MEGF11: variants seen among roughly 807,000 people sequenced by gnomAD.
MEGF11 encodes the protein multiple epidermal growth factor-like domains protein 11.
Under a neutral mutation model 146.6 loss-of-function variants are expected in MEGF11, and 126 were observed. The ratio of observed to expected loss-of-function variants is 0.86; its 90% CI spans 0.74 to 1.00. MEGF11 has a LOEUF of 1.00. MEGF11 is among the 50% of genes least tolerant of loss of function. The probability of loss-of-function intolerance (pLI) is 0.00; values close to 1 mark genes in which losing one functional copy is unlikely to be tolerated. For synonymous variants in MEGF11, 532 were observed against 583.4 expected (o/e 0.91, Z 1.27); for missense variants, 1,509 against 1,521.2 (o/e 0.99, Z 0.13).
Position 65,912,199 on chromosome 15 carries a change from A to G in MEGF11, c.2712T>C (p.Asp904=). Residue 904 remains aspartate, a splice_region_variant and synonymous_variant, in exon 21 of 26, where the codon GAT becomes GAC. Transcript: ENST00000395614. ...GGGCATGGCTGCTACTTTGAGACAA[A>G]TCTGGGAAGAGAACAAGGTGCCACA... is the stretch of plus-strand genomic sequence containing the variant. The part of the protein sequence containing the change: ...RMTSTDYSLS[D]LSQSSSHAHC... 8.1e-7 allele frequency: 1 copy of G among 1,231,790 alleles called. No individual in the cohort carries two copies. The highest frequency in any genetic ancestry group is 1.0e-6 in the Non-Finnish European group (1 of 987,660). 76.3% of individuals were successfully genotyped at this position (1,231,790 alleles called of 1,614,324 possible).
chr15:66,100,488 G>A (rs2086746406), intron 4 of MEGF11, among the ~76,000 whole-genome samples: 1 of 152,218 alleles, frequency 6.6e-6, no homozygotes, highest in South Asian at 2.1e-4. Context: ...CTTGGATTCT[G>A]CTACTTCCCG....
At chr15:65,915,649 C>A in intron 18 of MEGF11, 51 bp from the exon 19 acceptor site, 1 of 1,595,418 alleles carries the variant, frequency 6.3e-7, no homozygotes. Context: ...CTCCACCCCT[C>A]CCCTTCCATG....
At chr15:66,229,012 T>A (rs1186855385) in intron 1 of MEGF11, among the ~76,000 whole-genome samples, 1 of 152,150 alleles carries the variant, frequency 6.6e-6, no homozygotes, top group Non-Finnish European at 1.5e-5. Flanking sequence ...GTCAGGGTGC[T>A]GCACTACCCT....
In MEGF11 at chr15:65,898,029, C is replaced by T. The variant is rs267604294; in HGVS notation, c.3328G>A (p.Asp1110Asn). 1.5e-5 allele frequency: 25 copies of T among 1,613,814 alleles called. No homozygotes were observed. The highest frequency in any genetic ancestry group is 1.0e-4 in the Admixed American group (6 of 60,004). The change falls in exon 26 of 26, where the codon GAC becomes AAC. Residue 1110 changes from aspartate to asparagine, a missense_variant. Asp to Asn is a conservative substitution (Grantham distance 23). Coordinates refer to ENST00000395614, the MANE Select transcript of MEGF11 (RefSeq NM_001385028.1). ...GGAATATGGCTGTTCCTAGGTAGGT[C>T]GTATGCATTCTGGATATAGCTGGAG... is the stretch of plus-strand genomic sequence containing the variant. ...HNSSYIQNAYDLPRNSHIPGH... is the reference protein window; with the variant it reads ...HNSSYIQNAYNLPRNSHIPGH...
intron 4 of MEGF11, among the ~76,000 whole-genome samples, chr15:66,116,331 A>G (rs1249558520): frequency 6.6e-6 from 1 of 152,072 alleles, no homozygotes; most frequent in East Asian, 1.9e-4. Flanking sequence ...GGCAGGGGCT[A>G]TTTGTATTTC....
chr15:66,144,227 C>G lies in MEGF11; in HGVS notation c.-8-15816G>C, dbSNP rs188059432. ...CAGCCAACGAGGTGGGAGGGGTCAA[C>G]TAGGTGTGGGTGGAGCTGGGCATCG... is the stretch of plus-strand genomic sequence containing the variant. On this transcript the variant is annotated intron_variant, in intron 1 of 25. Coordinates refer to ENST00000395614, the MANE Select transcript of MEGF11 (RefSeq NM_001385028.1). Among the ~76,000 whole-genome samples, 342 of 152,286 alleles carry G rather than the reference C, an allele frequency of 2.2e-3. 1 individual carries two copies. The highest frequency in any genetic ancestry group is 7.8e-3 in the African/African-American group (325 of 41,554).
At chr15:66,190,778 C>G (rs2090847896) in intron 1 of MEGF11, among the ~76,000 whole-genome samples, 1 of 152,104 alleles carries the variant, frequency 6.6e-6, no homozygotes, top group Admixed American at 6.5e-5. Context: ...TGTGTCAGGC[C>G]CTGGGCACTA....
intron 1 of MEGF11, among the ~76,000 whole-genome samples, chr15:66,204,562 C>T (rs2091253068): frequency 6.6e-6 from 1 of 152,160 alleles, no homozygotes; most frequent in Non-Finnish European, 1.5e-5. Flanking sequence ...TACAGGCCCG[C>T]CTACCTGCCT....
intron 15 of MEGF11, among the ~76,000 whole-genome samples, chr15:65,918,586 CCA>C (rs1344379983): frequency 6.6e-6 from 1 of 152,256 alleles, no homozygotes; most frequent in Non-Finnish European, 1.5e-5. Flanking sequence ...TGTTAAAGGA[CCA>C]GCCCTGAATG....
chr15:66,038,322 G>A (rs2083804466), intron 5 of MEGF11, among the ~76,000 whole-genome samples: 1 of 152,068 alleles, frequency 6.6e-6, no homozygotes, highest in African/African-American at 2.4e-5. Flanking sequence ...TCTTCTCCTG[G>A]TTTTGCTATT....
intron 1 of MEGF11, among the ~76,000 whole-genome samples, chr15:66,218,658 A>T (rs1009350424): frequency 2.0e-5 from 3 of 146,786 alleles, no homozygotes; most frequent in African/African-American, 8.1e-5. Flanking sequence ...GCCCCCTGGG[A>T]ACTGATTAAA....
At chr15:65,956,336 G>C (rs1282249664) in intron 10 of MEGF11, among the ~76,000 whole-genome samples, 6 of 152,214 alleles carry the variant, frequency 3.9e-5, no homozygotes, top group Non-Finnish European at 8.8e-5. Flanking sequence ...GAACCTGCAA[G>C]TGAACAAGGA....
At chr15:66,079,033 C>T (rs1481257780) in intron 5 of MEGF11, among the ~76,000 whole-genome samples, 1 of 152,326 alleles carries the variant, frequency 6.6e-6, no homozygotes, top group Non-Finnish European at 1.5e-5. Flanking sequence ...GGCCCTGCCT[C>T]ACCCCCACCT....
chr15:65,961,021 C>CTACTT (rs1320908062), intron 9 of MEGF11, among the ~76,000 whole-genome samples: 6 of 151,676 alleles, frequency 4.0e-5, no homozygotes, highest in Non-Finnish European at 2.9e-5. Flanking sequence ...TTTGATTACT[C>CTACTT]TACTTATCTT....
At position 65,982,509 on chromosome 15, in the gene MEGF11, A is replaced by G. The variant is rs111245450; in HGVS notation, c.395-21T>C. ...GCAGCCTGCAAGAGACGGGACAGTC[A>G]GGGATCAGGAGCCCCGAAGGCTCTC... On this transcript the variant is annotated intron_variant, in intron 5 of 25. Transcript: ENST00000395614. This position sits in a 1 kb window ranked among gnomAD's most constrained non-coding sequence, Gnocchi z 5.6. The G allele has an allele frequency of 0.064, 92,805 of 1,455,812 alleles. 3,437 individuals are homozygous for G. Among genetic ancestry groups the G allele is most frequent in the Non-Finnish European group, 0.073 (81,152 of 1,105,882 alleles). 90.2% of individuals were successfully genotyped at this position (1,455,812 alleles called of 1,614,324 possible).
At chr15:66,088,847 G>A (rs907486478) in intron 5 of MEGF11, among the ~76,000 whole-genome samples, 2 of 152,150 alleles carry the variant, frequency 1.3e-5, no homozygotes, top group Admixed American at 6.5e-5. Context: ...AGGGGGCAAC[G>A]GGGAGTTAGT....
chr15:65,930,747 G>T, intron 11 of MEGF11, 76 bp downstream of exon 11: 1 of 1,476,316 alleles, frequency 6.8e-7, no homozygotes. Context: ...CCCCACCTGA[G>T]ACCCCTCAGC....
At chr15:66,040,237 A>G (rs1426293690) in intron 5 of MEGF11, 1 of 154,862 alleles carries the variant, frequency 6.5e-6, no homozygotes, top group Non-Finnish European at 1.5e-5. Flanking sequence ...AACAATTCAG[A>G]GAGGGGAAAG....
At position 66,066,246 on chromosome 15, in the gene MEGF11, G is replaced by T. The variant is rs188813038; in HGVS notation, c.394+28156C>A. On this transcript the variant is annotated intron_variant, in intron 5 of 25. Coordinates refer to ENST00000395614, the MANE Select transcript of MEGF11 (RefSeq NM_001385028.1). ...GCAGCAGGGTAGGCAAGAGGAGGCCGAGAGACGCCAGGGGCTCAGGGTCAG... is the reference window on the plus strand; with the variant it reads ...GCAGCAGGGTAGGCAAGAGGAGGCCTAGAGACGCCAGGGGCTCAGGGTCAG... Among the ~76,000 whole-genome samples the T allele has an allele frequency of 2.0e-5, 3 of 152,082 alleles. 1 individual carries two copies.
Sources: gnomAD v4.1 joint callset for allele counts (sites outside exome capture counted in the v4.1 genomes callset) on GRCh38, gnomAD v4.1.1 for gene constraint, Gnocchi (gnomAD v3.1) non-coding constraint, MANE v1.5 for transcripts, NCBI Gene and HGNC (gene_info 2026-07-23, HGNC 2026-07-21) for gene names.